The following COX10 variants were observed in gnomAD, a reference collection of about 807,000 sequenced individuals.
COX10 encodes the protein cytochrome c oxidase assembly factor heme A:farnesyltransferase COX10.
In COX10, 27 loss-of-function variants were observed where a neutral mutation model predicts 37.3. The observed-to-expected ratio is 0.72, with a 90% CI of 0.53 to 1.00. The LOEUF (loss-of-function observed/expected upper bound fraction) is 1.00. Among genes scored for constraint, COX10 ranks in the 50% least tolerant of loss-of-function variants. The pLI is 0.00. For missense variants in COX10, 475 were observed against 563.2 expected (o/e 0.84, Z 1.59); for synonymous variants, 222 against 229.1 (o/e 0.97, Z 0.28).
intron 5 of COX10, among the ~76,000 whole-genome samples, chr17:14,187,007 A>T (rs1282583945): frequency 1.3e-5 from 2 of 151,862 alleles, no homozygotes; most frequent in Non-Finnish European, 2.9e-5. Context: ...TAAGAAACTC[A>T]ATACTGTTTT....
intron 4 of COX10, among the ~76,000 whole-genome samples, chr17:14,152,210 G>A (rs1444465325): frequency 2.0e-5 from 3 of 152,114 alleles, no homozygotes; most frequent in South Asian, 2.1e-4. Context: ...GACATAACCC[G>A]CGATTGGGCA....
At chr17:14,074,579 T>G in intron 2 of COX10, 123 bp downstream of exon 2, 1 of 934,852 alleles carries the variant, frequency 1.1e-6, no homozygotes, top group Non-Finnish European at 1.7e-6. Flanking sequence ...TTTTATTTAG[T>G]GTCCTTAAAT....
chr17:14,070,300 C>T (rs1225167150), intron 1 of COX10, among the ~76,000 whole-genome samples: 1 of 152,140 alleles, frequency 6.6e-6, no homozygotes, highest in Non-Finnish European at 1.5e-5. Flanking sequence ...ACTAGGGCCC[C>T]CTACTTCTTT....
chr17:14,076,838 C>T lies in COX10; in HGVS notation c.281C>T (p.Ala94Val), dbSNP rs2142182399. The change falls in exon 3 of 7, where the codon GCA (alanine) becomes GTA (valine). Residue 94 changes from alanine (A) to valine (V), a missense_variant. By Grantham distance (64) the Ala-to-Val change is moderately conservative. Around this residue, in one of 5 missense-constraint regions of COX10, gnomAD observed 242 missense variants for 242.5 expected, o/e 1.00. Coordinates refer to ENST00000261643, the MANE Select transcript of COX10 (RefSeq NM_001303.4). ...AAAACATCTTCAGGTCAAGCCAAAGCAGAAATATATGAGATGAGACCTCTC... is the reference window on the plus strand; with the variant it reads ...AAAACATCTTCAGGTCAAGCCAAAGTAGAAATATATGAGATGAGACCTCTC... ...LEKTSSGQAKAEIYEMRPLSP... is the reference protein window; with the variant it reads ...LEKTSSGQAKVEIYEMRPLSP... 2 of 1,614,138 alleles carry T rather than the reference C, an allele frequency of 1.2e-6. No individual in the cohort carries two copies. The highest frequency in any genetic ancestry group is 1.1e-5 in the South Asian group (1 of 91,078).
chr17:14,128,721 G>A (rs931894034), intron 4 of COX10, among the ~76,000 whole-genome samples: 2 of 152,204 alleles, frequency 1.3e-5, no homozygotes, highest in Non-Finnish European at 2.9e-5. Context: ...AGTACATTAT[G>A]GATGGATTTA....
At chr17:14,084,747 G>A (rs919179557) in intron 3 of COX10, among the ~76,000 whole-genome samples, 4 of 151,908 alleles carry the variant, frequency 2.6e-5, no homozygotes, top group Admixed American at 1.3e-4. Flanking sequence ...TGCAACCTCC[G>A]CCTCCCGGGT....
intron 4 of COX10, among the ~76,000 whole-genome samples, chr17:14,108,909 A>G (rs1474230996): frequency 2.0e-5 from 3 of 152,164 alleles, no homozygotes; most frequent in African/African-American, 4.8e-5. Flanking sequence ...TTCATCTTCT[A>G]TGTTGAACAA....
At chr17:14,128,876 G>T (rs146594060) in intron 4 of COX10, among the ~76,000 whole-genome samples, 2,597 of 152,286 alleles carry the variant, frequency 0.017, 23 homozygotes, top group Middle Eastern at 0.044. Context: ...ACAGAGTCTT[G>T]CTCTGTCGCG....
At position 14,072,973 on chromosome 17, in the gene COX10, G is replaced by A. The variant is rs1245575845; in HGVS notation, c.44-1350G>A. ...ATGCAACATGGCATAAAGTGATAGA[G>A]TAGTTGACAAAGACAGAAAATTTGA... On this transcript the variant is annotated intron_variant, in intron 1 of 6. Transcript: ENST00000261643. 2.0e-5 allele frequency among the ~76,000 whole-genome samples: 3 copies of A among 152,196 alleles called. No homozygotes were observed. The South Asian group carries it at 6.2e-4, about 31-fold the overall frequency.
intron 3 of COX10, among the ~76,000 whole-genome samples, chr17:14,079,513 A>C (rs1597492204): frequency 1.3e-5 from 2 of 152,300 alleles, no homozygotes; most frequent in East Asian, 3.9e-4. Flanking sequence ...AGAGTTAGGC[A>C]GTGGTCATGT....
chr17:14,177,082 G>A (rs1047687105), intron 5 of COX10: 1 of 489,668 alleles, frequency 2.0e-6, no homozygotes, highest in Non-Finnish European at 3.6e-6. Context: ...ACAGAGGACA[G>A]TACTTAAGTT....
intron 4 of COX10, among the ~76,000 whole-genome samples, chr17:14,106,695 A>C (rs1915900297): frequency 6.6e-6 from 1 of 152,076 alleles, no homozygotes; most frequent in African/African-American, 2.4e-5. Context: ...TAACATCAGA[A>C]ATGTTCTTTT....
chr17:14,077,108 A>G (rs767607841), intron 3 of COX10, 52 bp downstream of exon 3: 2 of 1,563,158 alleles, frequency 1.3e-6, no homozygotes, highest in East Asian at 4.6e-5. Flanking sequence ...TCTTTAGTGA[A>G]ACAAAAAGCT....
At chr17:14,151,553 A>G (rs957240125) in intron 4 of COX10, among the ~76,000 whole-genome samples, 4 of 151,576 alleles carry the variant, frequency 2.6e-5, no homozygotes, top group Admixed American at 2.0e-4. Context: ...ACACACACAC[A>G]CACACACACA....
chr17:14,078,888 T>C (rs548810336), intron 3 of COX10, among the ~76,000 whole-genome samples: 3 of 152,204 alleles, frequency 2.0e-5, no homozygotes, highest in South Asian at 4.2e-4. Flanking sequence ...CACCCTACCA[T>C]TGAGGCCAGT....
intron 3 of COX10, among the ~76,000 whole-genome samples, chr17:14,081,178 T>C (rs2142185550): frequency 1.3e-5 from 2 of 152,356 alleles, no homozygotes; most frequent in African/African-American, 4.8e-5. Flanking sequence ...AAGCCTGAAA[T>C]GCTTACTGTC....
At chr17:14,087,139 G>C (rs1359495679) in intron 3 of COX10, among the ~76,000 whole-genome samples, 4 of 152,204 alleles carry the variant, frequency 2.6e-5, no homozygotes, top group African/African-American at 9.6e-5. Flanking sequence ...CCACTTCTGA[G>C]TGTTGTGGAC....
At position 14,074,383 on chromosome 17, in the gene COX10, A is replaced by C; in HGVS notation, c.104A>C (p.Lys35Thr). 1 of 1,614,062 alleles carries C rather than the reference A, an allele frequency of 6.2e-7. No homozygotes were observed. The highest frequency in any genetic ancestry group is 8.5e-7 in the Non-Finnish European group (1 of 1,179,902). ...AGAACTATACAGGACTCCCCTCACA[A>C]GTTCTTACATCTTCTCAGGAATGTC... The part of the protein sequence containing the change: ...ERRTIQDSPH[K>T]FLHLLRNVNK... The change falls in exon 2 of 7, where the codon AAG becomes ACG. Residue 35 changes from lysine to threonine, a missense_variant. This residue lies in a region of COX10 where 242 missense variants were observed against 242.5 expected (regional missense o/e 1.00). Transcript: ENST00000261643.
At chr17:14,204,240 G>A (rs191959031) in intron 6 of COX10, among the ~76,000 whole-genome samples, 4 of 152,126 alleles carry the variant, frequency 2.6e-5, no homozygotes, top group Admixed American at 6.5e-5. Flanking sequence ...AGGAAAAGAC[G>A]CTCACAGTTG....
Sources: allele counts gnomAD v4.1 joint callset (sites outside exome capture counted in the v4.1 genomes callset), GRCh38; gene constraint gnomAD v4.1.1; regional missense constraint gnomAD v4.1.1; transcripts MANE v1.5; gene names NCBI Gene and HGNC (gene_info 2026-07-23, HGNC 2026-07-21).